The following EXD1 variants were observed in gnomAD, a reference collection of about 807,000 sequenced individuals.
EXD1 encodes exonuclease 3'-5' domain containing 1, also known as piRNA biogenesis protein EXD1.
EXD1 carries 63 observed loss-of-function variants against 49.1 expected under a neutral mutation model. The ratio of observed to expected loss-of-function variants is 1.28; its 90% CI spans 1.05 to 1.58. The LOEUF (loss-of-function observed/expected upper bound fraction) is 1.58, where lower values mean the gene tolerates loss of function less well. Among genes scored for constraint, EXD1 ranks in the 40% most tolerant of loss-of-function variants. The pLI, the probability that EXD1 is intolerant of heterozygous loss-of-function variation, is 0.00. For synonymous variants in EXD1, 234 were observed against 239.2 expected (o/e 0.98, Z 0.20); for missense variants, 748 against 666.0 (o/e 1.12, Z -1.36).
chr15:41,190,530 T>G (rs2046496936), intron 10 of EXD1, among the ~76,000 whole-genome samples: 2 of 152,178 alleles, frequency 1.3e-5, no homozygotes, highest in Non-Finnish European at 2.9e-5. Context: ...TATTGCTTAA[T>G]TTAAGACACT....
At chr15:41,211,467 T>G (rs1371943358) in intron 6 of EXD1, among the ~76,000 whole-genome samples, 2 of 152,048 alleles carry the variant, frequency 1.3e-5, no homozygotes, top group African/African-American at 4.8e-5. Flanking sequence ...TTAAAGAATC[T>G]GTTGATACAT....
chr15:41,207,430 C>T lies in EXD1; in HGVS notation c.534+2071G>A, dbSNP rs867599444. ...GCACATGCCTGTAATCTCGGCTACT[C>T]GGGAGAGGCTGAGGCAGGAGAATTT... On this transcript the variant is annotated intron_variant, in intron 7 of 11. Coordinates refer to ENST00000458580, the MANE Select transcript of EXD1 (RefSeq NM_001286441.2). Among the ~76,000 whole-genome samples, 6 of 151,822 alleles carry T rather than the reference C, an allele frequency of 4.0e-5. No individual in the cohort carries two copies. The South Asian group carries it at 1.0e-3, about 26-fold the overall frequency.
At position 41,230,702 on chromosome 15, in the gene EXD1, C is replaced by G. The variant is rs923142205; in HGVS notation, c.-277G>C. ...AAAACCTGGAGAAAGGTCCGCGACG[C>G]CGGGGACACACGCCGCAGAGGCGAC... On this transcript the variant is annotated 5_prime_UTR_variant, in exon 1 of 12. Coordinates refer to ENST00000458580, the MANE Select transcript of EXD1 (RefSeq NM_001286441.2). 7.3e-5 allele frequency: 54 copies of G among 740,544 alleles called. No individual in the cohort carries two copies. The Admixed American group carries it at 1.5e-3, about 21-fold the overall frequency. 45.9% of individuals were successfully genotyped at this position (740,544 alleles called of 1,614,324 possible). A position where few individuals can be genotyped will look rare whatever the true frequency, so the allele number is the denominator to read the frequency against.
At chr15:41,216,043 C>A (rs2046994857) in intron 5 of EXD1, among the ~76,000 whole-genome samples, 1 of 151,896 alleles carries the variant, frequency 6.6e-6, no homozygotes. Context: ...ACTTATTTAT[C>A]TAATTTAGCA....
chr15:41,206,940 T>C (rs2046835750), intron 7 of EXD1, among the ~76,000 whole-genome samples: 1 of 141,716 alleles, frequency 7.1e-6, no homozygotes, highest in Admixed American at 7.1e-5. Context: ...TTTTTTTTTT[T>C]TTTTTTTTTT....
At chr15:41,194,204 G>T (rs1046129069) in intron 9 of EXD1, among the ~76,000 whole-genome samples, 1 of 151,880 alleles carries the variant, frequency 6.6e-6, no homozygotes, top group African/African-American at 2.4e-5. Context: ...GTAGAGACAG[G>T]GTTTCACCAT....
At chr15:41,211,726 G>A (rs1019712592) in intron 6 of EXD1, among the ~76,000 whole-genome samples, 2 of 148,900 alleles carry the variant, frequency 1.3e-5, no homozygotes, top group South Asian at 2.1e-4. Context: ...TTGGGAGGCC[G>A]AGGAAGACAG....
intron 10 of EXD1, 121 bp downstream of exon 10, chr15:41,191,321 A>T: frequency 1.2e-6 from 1 of 869,160 alleles, no homozygotes; most frequent in Non-Finnish European, 1.7e-6. Context: ...TACAGTTAAG[A>T]TTTTGGCAAT....
chr15:41,203,580 G>A (rs1489754651), intron 7 of EXD1, among the ~76,000 whole-genome samples: 1 of 151,960 alleles, frequency 6.6e-6, no homozygotes, highest in African/African-American at 2.4e-5. Context: ...CCCTGAAGGC[G>A]ATCACGGAAA....
chr15:41,227,204 G>T (rs76030543), intron 1 of EXD1, among the ~76,000 whole-genome samples: 568 of 152,264 alleles, frequency 3.7e-3, no homozygotes, highest in Non-Finnish European at 6.5e-3. Flanking sequence ...ATTGGGAAAA[G>T]AACTTTTCTT....
chr15:41,229,283 G>T (rs996359066), intron 1 of EXD1, among the ~76,000 whole-genome samples: 1 of 152,116 alleles, frequency 6.6e-6, no homozygotes, highest in African/African-American at 2.4e-5. Context: ...TTTGAGACCC[G>T]CCTAGACAAT....
At chr15:41,208,902 A>T (rs2046876608) in intron 7 of EXD1, among the ~76,000 whole-genome samples, 1 of 152,130 alleles carries the variant, frequency 6.6e-6, no homozygotes, top group African/African-American at 2.4e-5. Flanking sequence ...CTAAGGTGAT[A>T]GAACAGAACT....
chr15:41,199,747 T>TATATATGA (rs558589077), intron 7 of EXD1, among the ~76,000 whole-genome samples: 1 of 99,760 alleles, frequency 1.0e-5, no homozygotes, highest in African/African-American at 4.0e-5. Context: ...ATGTCATATA[T>TATATATGA]TATATATGAT....
intron 2 of EXD1, among the ~76,000 whole-genome samples, chr15:41,222,429 T>C (rs1421534311): frequency 1.3e-5 from 2 of 152,132 alleles, no homozygotes; most frequent in African/African-American, 2.4e-5. Flanking sequence ...TTCCCATTGT[T>C]AACTCCTACT....
chr15:41,219,750 C>G (rs1233147406), intron 3 of EXD1, 80 bp downstream of exon 3: 1 of 1,194,716 alleles, frequency 8.4e-7, no homozygotes, highest in African/African-American at 1.5e-5. Flanking sequence ...AATCCATAAG[C>G]ACAACATTAA....
At position 41,199,012 on chromosome 15, in the gene EXD1, G is replaced by A. The variant is rs1392974500; in HGVS notation, c.535-2975C>T. On this transcript the variant is annotated intron_variant, in intron 7 of 11. Transcript: ENST00000458580. ...TGAGTCTTAATCTGTTGCCCAGGCT[G>A]GAGTGCAATGGCATGATCTCGGCTC... 2.6e-5 allele frequency among the ~76,000 whole-genome samples: 4 copies of A among 151,316 alleles called. No individual in the cohort carries two copies. The East Asian group carries it at 7.8e-4, about 29-fold the overall frequency.
Position 41,184,309 on chromosome 15 carries a change from A to G in EXD1, c.1341T>C (p.Ala447=), listed in dbSNP as rs1186141618. The G allele has an allele frequency of 6.2e-7, 1 of 1,614,054 alleles. No individual in the cohort carries two copies. Among genetic ancestry groups the G allele is most frequent in the Admixed American group, 1.7e-5 (1 of 59,994 alleles). ...LLKEESLNKQ[A]TNPQHLPPTE... ...TGGGAGGTAGATGTTGAGGATTTGT[A>G]GCTTGTTTATTCAAAGATTCTTCTT... Residue 447 remains alanine (A), a synonymous_variant, in exon 12 of 12, where the codon GCT becomes GCC. Coordinates refer to ENST00000458580, the MANE Select transcript of EXD1 (RefSeq NM_001286441.2).
intron 7 of EXD1, among the ~76,000 whole-genome samples, chr15:41,202,690 C>T (rs1011491688): frequency 6.6e-6 from 1 of 152,126 alleles, no homozygotes; most frequent in African/African-American, 2.4e-5. Flanking sequence ...TGGTCTCCAA[C>T]TCCTGGCTTC....
At chr15:41,221,006 C>T (rs905296735) in intron 2 of EXD1, among the ~76,000 whole-genome samples, 6 of 152,140 alleles carry the variant, frequency 3.9e-5, no homozygotes, top group Non-Finnish European at 8.8e-5. Context: ...CCGTGCCCAG[C>T]CTCCTCTTCT....
Sources: allele counts gnomAD v4.1 joint callset (sites outside exome capture counted in the v4.1 genomes callset), GRCh38; gene constraint gnomAD v4.1.1; transcripts MANE v1.5; gene names NCBI Gene and HGNC (gene_info 2026-07-23, HGNC 2026-07-21).